Variants in SYNPR observed in about 807,000 individuals in gnomAD.
SYNPR encodes the protein synaptoporin.
Under a neutral mutation model 32.9 loss-of-function variants are expected in SYNPR, and 23 were observed. The observed-to-expected ratio is 0.70, with a 90% CI of 0.50 to 0.99. SYNPR has a LOEUF of 0.99. Ranked by LOEUF, SYNPR falls within the 50% of genes least tolerant of loss-of-function variation. SYNPR has a pLI of 0.00. For missense variants in SYNPR, 318 were observed against 349.3 expected (o/e 0.91, Z 0.71); for synonymous variants, 146 against 135.9 (o/e 1.07, Z -0.52).
chr3:63,557,016 G>T (rs1702607164), intron 4 of SYNPR, among the ~76,000 whole-genome samples: 1 of 152,270 alleles, frequency 6.6e-6, no homozygotes, highest in Admixed American at 6.5e-5. Flanking sequence ...AGTGAAGCTT[G>T]CTGTAGATTT....
intron 3 of SYNPR, among the ~76,000 whole-genome samples, chr3:63,269,231 G>A (rs1287406570): frequency 6.6e-6 from 1 of 152,230 alleles, no homozygotes; most frequent in East Asian, 1.9e-4. Context: ...GCTCACGCCT[G>A]TAATTTCAGC....
intron 3 of SYNPR, among the ~76,000 whole-genome samples, chr3:63,512,015 C>T (rs1505584): frequency 0.37 from 55,740 of 151,034 alleles, 10,313 homozygotes; most frequent in Non-Finnish European, 0.41. Flanking sequence ...TAGACATATA[C>T]GAACATATCT....
the SYNPR span, among the ~76,000 whole-genome samples, chr3:63,210,419 G>A: frequency 1.5e-3 from 223 of 152,342 alleles, no homozygotes; most frequent in African/African-American, 4.7e-3. Flanking sequence ...GTGGACAAAA[G>A]TGATTTTACA....
At chr3:63,609,476 C>T (rs13093407) in intron 5 of SYNPR, among the ~76,000 whole-genome samples, 160 bp downstream of exon 5, 51,848 of 152,046 alleles carry the variant, frequency 0.34, 8,915 homozygotes, top group Middle Eastern at 0.43. Context: ...ATCACTTGGC[C>T]CTCAGGTTTC....
At chr3:63,447,538 G>T (rs1400491290) in intron 2 of SYNPR, among the ~76,000 whole-genome samples, 1 of 152,122 alleles carries the variant, frequency 6.6e-6, no homozygotes, top group Non-Finnish European at 1.5e-5. Flanking sequence ...AGAGCTGGTG[G>T]TCCTGTTACA....
intron 2 of SYNPR, among the ~76,000 whole-genome samples, chr3:63,349,861 CT>C (rs1320715982): frequency 6.6e-6 from 1 of 152,142 alleles, no homozygotes; most frequent in Non-Finnish European, 1.5e-5. Context: ...TGATTCTTGT[CT>C]TTTGGTTTCA....
At chr3:63,388,657 T>C (rs2107080674) in intron 2 of SYNPR, among the ~76,000 whole-genome samples, 1 of 151,366 alleles carries the variant, frequency 6.6e-6, no homozygotes, top group East Asian at 2.0e-4. Flanking sequence ...TCTGACTTCA[T>C]GATCCACCCA....
intron 2 of SYNPR, among the ~76,000 whole-genome samples, chr3:63,315,162 G>A (rs1223307883): frequency 1.3e-5 from 2 of 151,766 alleles, no homozygotes; most frequent in African/African-American, 4.8e-5. Context: ...TTGAAATCAG[G>A]TAGCGTGATG....
intron 2 of SYNPR, among the ~76,000 whole-genome samples, chr3:63,466,719 G>A (rs1345563462): frequency 2.0e-5 from 3 of 152,138 alleles, no homozygotes; most frequent in Non-Finnish European, 2.9e-5. Context: ...AAGGTGCTAA[G>A]GCCTCTTCTC....
chr3:63,587,019 C>A (rs1345022179), intron 4 of SYNPR, among the ~76,000 whole-genome samples: 1 of 151,948 alleles, frequency 6.6e-6, no homozygotes, highest in African/African-American at 2.4e-5. Flanking sequence ...GAAGCTCTAC[C>A]TATGAAGAAC....
At chr3:63,268,667 AG>A (rs1303478244) in intron 3 of SYNPR, among the ~76,000 whole-genome samples, 1 of 149,950 alleles carries the variant, frequency 6.7e-6, no homozygotes, top group Non-Finnish European at 1.5e-5. Flanking sequence ...AAGCTGAAGG[AG>A]GAGGAGGAAG....
At chr3:63,390,546 G>A (rs1353093056) in intron 2 of SYNPR, among the ~76,000 whole-genome samples, 1 of 152,186 alleles carries the variant, frequency 6.6e-6, no homozygotes, top group Non-Finnish European at 1.5e-5. Flanking sequence ...TACCATGTGA[G>A]ACGAAATAGA....
chr3:63,282,246 G>C (rs990685211), intron 2 of SYNPR, among the ~76,000 whole-genome samples: 1 of 152,102 alleles, frequency 6.6e-6, no homozygotes, highest in Admixed American at 6.5e-5. Context: ...AAACATAAAA[G>C]ACATGTTCTC....
intron 3 of SYNPR, among the ~76,000 whole-genome samples, chr3:63,536,120 A>G (rs1444236510): frequency 6.6e-6 from 1 of 152,060 alleles, no homozygotes; most frequent in South Asian, 2.1e-4. Flanking sequence ...TAAAATAAAA[A>G]TTTTAAAAAT....
intron 2 of SYNPR, among the ~76,000 whole-genome samples, chr3:63,369,991 C>A (rs942750153): frequency 6.6e-6 from 1 of 152,050 alleles, no homozygotes; most frequent in Admixed American, 6.6e-5. Context: ...ATGAATGAAC[C>A]ATTTTGAGTT....
intron 2 of SYNPR, among the ~76,000 whole-genome samples, chr3:63,352,730 A>G (rs558722107): frequency 1.3e-5 from 2 of 152,338 alleles, no homozygotes; most frequent in East Asian, 3.9e-4. Context: ...ACAGTTCCAC[A>G]TGGCTGAAGA....
chr3:63,314,994 C>A (rs1166012976), intron 2 of SYNPR, among the ~76,000 whole-genome samples: 1 of 151,974 alleles, frequency 6.6e-6, no homozygotes, highest in Non-Finnish European at 1.5e-5. Context: ...AAAGGGTATC[C>A]TTTCCCCCAC....
intron 2 of SYNPR, among the ~76,000 whole-genome samples, chr3:63,476,629 A>G (rs1235416989): frequency 6.6e-6 from 1 of 152,112 alleles, no homozygotes; most frequent in Non-Finnish European, 1.5e-5. Context: ...CCCCAACCAT[A>G]GAGCTAATTA....
intron 2 of SYNPR, among the ~76,000 whole-genome samples, chr3:63,413,126 A>C (rs951457257): frequency 6.6e-6 from 1 of 152,252 alleles, no homozygotes; most frequent in Non-Finnish European, 1.5e-5. Context: ...ACGATCAAAA[A>C]ATGACATTGG....
Sources: gnomAD v4.1 joint callset for allele counts (sites outside exome capture counted in the v4.1 genomes callset) on GRCh38, gnomAD v4.1.1 for gene constraint, MANE v1.5 for transcripts, NCBI Gene and HGNC (gene_info 2026-07-23, HGNC 2026-07-21) for gene names.